The following INPP4B variants were observed in gnomAD, a reference collection of about 807,000 sequenced individuals.
INPP4B encodes inositol polyphosphate-4-phosphatase type II B, also known as inositol polyphosphate 4-phosphatase type II.
Under a neutral mutation model 122.5 loss-of-function variants are expected in INPP4B, and 55 were observed. That is an observed-to-expected ratio of 0.45 (90% CI 0.36 to 0.56). The LOEUF is 0.56. Among genes scored for constraint, INPP4B ranks in the 20% least tolerant of loss-of-function variants. INPP4B has a pLI of 0.00. For synonymous variants in INPP4B, 403 were observed against 388.7 expected (o/e 1.04, Z -0.43); for missense variants, 1,000 against 1,097.7 (o/e 0.91, Z 1.26).
At chr4:142,256,229 C>A (rs925560777) in intron 11 of INPP4B, among the ~76,000 whole-genome samples, 1 of 151,356 alleles carries the variant, frequency 6.6e-6, no homozygotes, top group African/African-American at 2.4e-5. Context: ...ATTTATAGCA[C>A]TAAATGCCCA....
chr4:142,511,184 T>TA (rs1209229347), intron 2 of INPP4B, among the ~76,000 whole-genome samples: 1 of 152,184 alleles, frequency 6.6e-6, no homozygotes, highest in Non-Finnish European at 1.5e-5. Flanking sequence ...AATTTTATTC[T>TA]AAAATTTCAA....
intron 2 of INPP4B, among the ~76,000 whole-genome samples, chr4:142,547,661 T>G (rs765321576): frequency 1.2e-4 from 19 of 152,166 alleles, no homozygotes; most frequent in Non-Finnish European, 2.2e-4. Context: ...AGTGACAGCG[T>G]GTTGAATGAG....
At chr4:142,112,894 T>A (rs556372755) in intron 21 of INPP4B, among the ~76,000 whole-genome samples, 35 of 152,260 alleles carry the variant, frequency 2.3e-4, no homozygotes, top group Non-Finnish European at 3.7e-4. Context: ...TTTCTCTACC[T>A]CACTCTGAAT....
At chr4:142,765,158 T>A (rs1771925001) in intron 1 of INPP4B, among the ~76,000 whole-genome samples, 2 of 152,044 alleles carry the variant, frequency 1.3e-5, no homozygotes, top group Non-Finnish European at 2.9e-5. Context: ...AGCTTGGTAA[T>A]CTGACAGTGA....
In INPP4B at chr4:142,332,503, A is replaced by G. The variant is rs374229478; in HGVS notation, c.373-17741T>C. Among the ~76,000 whole-genome samples, 919 of 151,930 alleles carry G rather than the reference A, an allele frequency of 6.0e-3. 12 individuals are homozygous for G. The highest frequency in any genetic ancestry group is 0.02 in the African/African-American group (811 of 41,420). On this transcript the variant is annotated intron_variant, in intron 7 of 25. Transcript: ENST00000262992. The stretch of plus-strand genomic sequence containing the variant: ...AAATGAGTACACTTATTAAAGGGGG[A>G]AAAAAAAGCATATATAGTTAAAAAA...
chr4:142,556,826 G>A (rs1048898925), intron 2 of INPP4B, among the ~76,000 whole-genome samples: 8 of 152,136 alleles, frequency 5.3e-5, no homozygotes, highest in Non-Finnish European at 1.0e-4. Flanking sequence ...AAATTGCAGG[G>A]GAAAGTATCG....
rs552149013 is a variant in INPP4B at position 142,068,476 on chromosome 4, T to C, written c.2642+13555A>G. Among the ~76,000 whole-genome samples the C allele has an allele frequency of 2.0e-4, 30 of 152,250 alleles. No individual in the cohort carries two copies. In the East Asian group the frequency reaches 3.9e-3, roughly 20 times the overall value. ...ATAATGACAGGATCAAATTCACATG[T>C]AACAATATTAACATTAAATGTAAAT... On this transcript the variant is annotated intron_variant, in intron 25 of 25. Transcript: ENST00000262992.
At chr4:142,739,372 A>G (rs1291974995) in intron 1 of INPP4B, among the ~76,000 whole-genome samples, 4 of 152,066 alleles carry the variant, frequency 2.6e-5, no homozygotes, top group Non-Finnish European at 4.4e-5. Context: ...GTATCAAGGA[A>G]AGTAATTGTT....
intron 2 of INPP4B, among the ~76,000 whole-genome samples, chr4:142,621,522 G>A (rs993978177): frequency 5.9e-5 from 9 of 151,862 alleles, no homozygotes; most frequent in Non-Finnish European, 1.5e-5. Context: ...ACTAATATAA[G>A]AGATAAATTC....
intron 2 of INPP4B, among the ~76,000 whole-genome samples, chr4:142,614,010 C>T (rs982279745): frequency 1.3e-4 from 20 of 152,104 alleles, no homozygotes; most frequent in Non-Finnish European, 2.4e-4. Flanking sequence ...GTTATAGGAA[C>T]GGGTAGCAAA....
intron 25 of INPP4B, among the ~76,000 whole-genome samples, chr4:142,074,936 G>A (rs577208463): frequency 6.6e-6 from 1 of 151,972 alleles, no homozygotes; most frequent in Non-Finnish European, 1.5e-5. Context: ...ACACAGTTCA[G>A]ATTCTACCTC....
intron 2 of INPP4B, among the ~76,000 whole-genome samples, chr4:142,634,657 G>A (rs1748702798): frequency 6.6e-6 from 1 of 151,838 alleles, no homozygotes; most frequent in South Asian, 2.1e-4. Flanking sequence ...TTTCTTAGAA[G>A]CTCTCATTAA....
At chr4:142,707,568 C>A (rs1762613275) in intron 2 of INPP4B, among the ~76,000 whole-genome samples, 2 of 152,196 alleles carry the variant, frequency 1.3e-5, no homozygotes, top group South Asian at 2.1e-4. Context: ...AGCACCTCCC[C>A]CTTCACCCTC....
At chr4:142,100,509 A>C (rs955236957) in intron 23 of INPP4B, among the ~76,000 whole-genome samples, 1 of 152,152 alleles carries the variant, frequency 6.6e-6, no homozygotes, top group Non-Finnish European at 1.5e-5. Context: ...GACTTCAAAA[A>C]ACCCTGCTTA....
At chr4:142,487,654 T>C (rs1490867750) in intron 2 of INPP4B, among the ~76,000 whole-genome samples, 2 of 151,988 alleles carry the variant, frequency 1.3e-5, no homozygotes, top group African/African-American at 4.8e-5. Context: ...ATCTTGCACA[T>C]GTTTATTAAT....
Position 142,024,348 on chromosome 4 carries a change from A to G in INPP4B, c.*4434T>C, listed in dbSNP as rs1736364135. ...TTGCTGCTGGGTTAAATGAATATGA[A>G]TTCACACTAAAATTGTCAATCAGCT... On this transcript the variant is annotated 3_prime_UTR_variant, in exon 26 of 26. Coordinates refer to ENST00000262992, the MANE Select transcript of INPP4B (RefSeq NM_001101669.3). 2.0e-5 allele frequency: 3 copies of G among 152,102 alleles called. No individual in the cohort carries two copies. The highest frequency in any genetic ancestry group is 6.5e-5 in the Admixed American group (1 of 15,268). 9.4% of individuals were successfully genotyped at this position (152,102 alleles called of 1,614,324 possible). A position where few individuals can be genotyped will look rare whatever the true frequency, so the allele number is the denominator to read the frequency against.
intron 1 of INPP4B, among the ~76,000 whole-genome samples, chr4:142,728,236 A>G (rs956434460): frequency 7.2e-5 from 11 of 152,202 alleles, no homozygotes; most frequent in African/African-American, 2.7e-4. Context: ...GGGCTTGACT[A>G]CGAAACACTG....
rs1266032187 is a variant in INPP4B, at chr4:142,188,501, AAAAAAAAAAG to A, written c.1181+4576_1181+4585del. ...GACTCCATCTCAAAAAAAAAAAAAA[AAAAAAAAAAG>A]AAAAAAAATATATATAGCTTGACTT... On this transcript the variant is annotated intron_variant, in intron 15 of 25. Coordinates refer to ENST00000262992, the MANE Select transcript of INPP4B (RefSeq NM_001101669.3). 7.2e-3 allele frequency among the ~76,000 whole-genome samples: 880 copies of A among 121,380 alleles called. 15 individuals are homozygous for A. Among genetic ancestry groups the A allele is most frequent in the African/African-American group, 0.029 (800 of 27,290 alleles). 79.6% of individuals were successfully genotyped at this position (121,380 alleles called of 152,430 possible).
chr4:142,055,759 C>T (rs1244168838), intron 25 of INPP4B, among the ~76,000 whole-genome samples: 1 of 151,806 alleles, frequency 6.6e-6, no homozygotes, highest in Non-Finnish European at 1.5e-5. Context: ...ACAGCAGTCC[C>T]CACACTTTTT....
Sources: allele counts gnomAD v4.1 joint callset (sites outside exome capture counted in the v4.1 genomes callset), GRCh38; gene constraint gnomAD v4.1.1; transcripts MANE v1.5; gene names NCBI Gene and HGNC (gene_info 2026-07-23, HGNC 2026-07-21).